TCF12: variants seen among roughly 807,000 people sequenced by gnomAD.
TCF12 encodes DNA-binding protein HTF4.
A neutral mutation model predicts 86.0 loss-of-function variants in TCF12; 45 were observed. The observed-to-expected ratio is 0.52, with a 90% CI of 0.41 to 0.67. TCF12 has a LOEUF of 0.67. TCF12 is among the 30% of genes least tolerant of loss of function. The probability of loss-of-function intolerance (pLI) is 0.00; values close to 1 mark genes in which losing one functional copy is unlikely to be tolerated. For missense variants in TCF12, 881 were observed against 859.9 expected (o/e 1.02, Z -0.31); for synonymous variants, 330 against 299.6 (o/e 1.10, Z -1.05).
chr15:57,286,321 A>G lies in TCF12; in HGVS notation c.*176A>G, dbSNP rs2061932219. 9.7e-6 allele frequency: 2 copies of G among 205,186 alleles called. No individual in the cohort carries two copies. The highest frequency in any genetic ancestry group is 1.5e-4 in the South Asian group (2 of 13,606). 12.7% of individuals were successfully genotyped at this position (205,186 alleles called of 1,614,324 possible). On this transcript the variant is annotated 3_prime_UTR_variant, in exon 21 of 21. Transcript: ENST00000333725. ...CCTACGATCAAAGCAACTGGTCAACACTTCCATCAGAAGTGAAGATAGGAA... is the reference window on the plus strand; with the variant it reads ...CCTACGATCAAAGCAACTGGTCAACGCTTCCATCAGAAGTGAAGATAGGAA...
intron 3 of TCF12, among the ~76,000 whole-genome samples, chr15:57,029,159 C>A (rs2065997094): frequency 1.3e-5 from 2 of 152,028 alleles, no homozygotes; most frequent in Admixed American, 1.3e-4. Flanking sequence ...AGTGGTTCTT[C>A]CAGTGTGAAA....
rs2062030033 is a variant in TCF12, at chr15:57,289,349, G to T, written c.*3204G>T. ...AAAATATAGAGACCATCTAGTAAAT[G>T]ACCTCATTAATATATCTGTGAAAAC... On this transcript the variant is annotated 3_prime_UTR_variant, in exon 21 of 21. Transcript: ENST00000333725. The T allele has an allele frequency of 6.6e-6, 1 of 152,082 alleles. No homozygotes were observed. The highest frequency in any genetic ancestry group is 1.5e-5 in the Non-Finnish European group (1 of 68,026). The allele number at this position is 152,082 out of a possible 1,614,324, so 9.4% of individuals were successfully genotyped here.
At chr15:57,283,580 A>G (rs997461303) in intron 20 of TCF12, among the ~76,000 whole-genome samples, 1 of 152,196 alleles carries the variant, frequency 6.6e-6, no homozygotes, top group Non-Finnish European at 1.5e-5. Flanking sequence ...CTTCATTTTT[A>G]TAATCTGCTT....
intron 3 of TCF12, among the ~76,000 whole-genome samples, chr15:56,933,580 CTCTGAG>C (rs1392515380): frequency 6.6e-6 from 1 of 152,140 alleles, no homozygotes; most frequent in Non-Finnish European, 1.5e-5. Flanking sequence ...ATTTTAACCT[CTCTGAG>C]TCTGTTTATC....
intron 13 of TCF12, among the ~76,000 whole-genome samples, chr15:57,250,464 G>A (rs921194867): frequency 6.6e-6 from 1 of 152,138 alleles, no homozygotes; most frequent in African/African-American, 2.4e-5. Flanking sequence ...CAAAATGGCT[G>A]GCACCTGTAA....
At chr15:57,231,380 A>G (rs1225415428) in intron 9 of TCF12, 123 bp downstream of exon 9, 3 of 690,934 alleles carry the variant, frequency 4.3e-6, no homozygotes, top group Non-Finnish European at 7.4e-6. Context: ...TTTTGGCTAA[A>G]TTAAAATTTA....
rs760611566 is a variant in TCF12, at chr15:56,919,998, C to G, written c.75+10C>G. 2 of 1,613,674 alleles carry G rather than the reference C, an allele frequency of 1.2e-6. No homozygotes were observed. Among genetic ancestry groups the G allele is most frequent in the African/African-American group, 2.7e-5 (2 of 74,860 alleles). On this transcript the variant is annotated intron_variant, in intron 2 of 20. Coordinates refer to ENST00000333725, the MANE Select transcript of TCF12 (RefSeq NM_207037.2). ...ACTGGACTTCAGTGCGGTATGAGAGCTTTCCATGGCATCTTGGGGTTCTGC... is the reference window on the plus strand; with the variant it reads ...ACTGGACTTCAGTGCGGTATGAGAGGTTTCCATGGCATCTTGGGGTTCTGC...
At chr15:57,127,087 A>G (rs866292600) in intron 5 of TCF12, among the ~76,000 whole-genome samples, 2 of 151,230 alleles carry the variant, frequency 1.3e-5, no homozygotes, top group Non-Finnish European at 2.9e-5. Context: ...GATTCAAGAA[A>G]TTCTCCTCCC....
intron 2 of TCF12, 85 bp downstream of exon 2, chr15:56,920,073 G>A (rs1217357708): frequency 6.7e-7 from 1 of 1,489,584 alleles, no homozygotes; most frequent in Non-Finnish European, 9.3e-7. Flanking sequence ...AAAGGGTGAG[G>A]GGAAGCAACG....
intron 6 of TCF12, among the ~76,000 whole-genome samples, chr15:57,187,298 C>T (rs2151682318): frequency 6.6e-6 from 1 of 152,246 alleles, no homozygotes; most frequent in Middle Eastern, 3.4e-3. Context: ...AAAAAACCCA[C>T]AGCTAATATA....
intron 16 of TCF12, among the ~76,000 whole-genome samples, chr15:57,256,721 G>A (rs1238827200): frequency 6.6e-6 from 1 of 152,000 alleles, no homozygotes; most frequent in African/African-American, 2.4e-5. Flanking sequence ...TCAGCAATTT[G>A]GTACCACCAT....
intron 3 of TCF12, among the ~76,000 whole-genome samples, chr15:56,946,726 A>G (rs1206691698): frequency 1.3e-5 from 2 of 150,830 alleles, no homozygotes; most frequent in African/African-American, 4.9e-5. Flanking sequence ...CTGGCAGGAA[A>G]TTAAGTTATT....
At chr15:57,131,562 C>G (rs575042711) in intron 5 of TCF12, among the ~76,000 whole-genome samples, 1 of 152,154 alleles carries the variant, frequency 6.6e-6, no homozygotes, top group South Asian at 2.1e-4. Context: ...CTCATAAAAG[C>G]AATCACTCAT....
At chr15:57,141,716 A>G (rs1176340664) in intron 5 of TCF12, among the ~76,000 whole-genome samples, 7 of 152,244 alleles carry the variant, frequency 4.6e-5, no homozygotes, top group African/African-American at 1.7e-4. Flanking sequence ...CTTGCAACTC[A>G]GAGAAGAACT....
At chr15:56,962,649 C>G (rs1047389400) in intron 3 of TCF12, among the ~76,000 whole-genome samples, 1 of 152,110 alleles carries the variant, frequency 6.6e-6, no homozygotes, top group Non-Finnish European at 1.5e-5. Context: ...AGTGATGTAA[C>G]CTACTTAGGC....
At chr15:57,069,514 CAT>C (rs2069185286) in intron 4 of TCF12, among the ~76,000 whole-genome samples, 1 of 152,124 alleles carries the variant, frequency 6.6e-6, no homozygotes, top group African/African-American at 2.4e-5. Context: ...TTTACAGTAT[CAT>C]AGAATTTTCA....
chr15:57,241,385 C>T (rs1329302947), intron 12 of TCF12, among the ~76,000 whole-genome samples: 1 of 152,012 alleles, frequency 6.6e-6, no homozygotes, highest in African/African-American at 2.4e-5. Flanking sequence ...AGCTACCGCA[C>T]CCGGCCTATT....
chr15:57,188,291 G>A (rs1342136546), intron 6 of TCF12, among the ~76,000 whole-genome samples: 1 of 151,666 alleles, frequency 6.6e-6, no homozygotes, highest in African/African-American at 2.4e-5. Context: ...TTGTACCCTG[G>A]AAACTACAAA....
intron 4 of TCF12, among the ~76,000 whole-genome samples, chr15:57,065,115 TG>T (rs2068763911): frequency 6.6e-6 from 1 of 152,180 alleles, no homozygotes; most frequent in South Asian, 2.1e-4. Flanking sequence ...TGGAAAGAAC[TG>T]GGATAGTCGT....
Sources: allele counts gnomAD v4.1 joint callset (sites outside exome capture counted in the v4.1 genomes callset), GRCh38; gene constraint gnomAD v4.1.1; transcripts MANE v1.5; gene names NCBI Gene and HGNC (gene_info 2026-07-23, HGNC 2026-07-21).